Variants in CSMD1 observed in about 807,000 individuals in gnomAD.
CSMD1 encodes CUB and Sushi multiple domains 1, also known as CUB and sushi domain-containing protein 1.
In CSMD1, 213 loss-of-function variants were observed where a neutral mutation model predicts 417.5. The ratio of observed to expected loss-of-function variants is 0.51; its 90% CI spans 0.46 to 0.57. CSMD1 has a LOEUF of 0.57. CSMD1 is among the 20% of genes least tolerant of loss of function. The pLI is 0.00. For missense variants in CSMD1, 6,923 were observed against 4,529.7 expected (o/e 1.53, Z -15.17); for synonymous variants, 2,862 against 1,736.8 (o/e 1.65, Z -16.11).
intron 8 of CSMD1, among the ~76,000 whole-genome samples, chr8:3,606,761 G>T (rs1379422701): frequency 4.0e-5 from 6 of 151,134 alleles, no homozygotes; most frequent in African/African-American, 1.5e-4. Context: ...CCCAGGCTGG[G>T]GTACAGTGGC....
chr8:3,510,712 G>A (rs945293259), intron 10 of CSMD1, among the ~76,000 whole-genome samples: 1 of 151,724 alleles, frequency 6.6e-6, no homozygotes, highest in African/African-American at 2.4e-5. Context: ...TAACTGGTGT[G>A]AGATGGTATC....
intron 12 of CSMD1, among the ~76,000 whole-genome samples, chr8:3,432,171 A>C (rs1026075080): frequency 2.0e-5 from 3 of 152,182 alleles, no homozygotes; most frequent in African/African-American, 7.2e-5. Context: ...TGAACTTCTT[A>C]ATCTGGGCAT....
intron 3 of CSMD1, among the ~76,000 whole-genome samples, chr8:4,393,249 T>A (rs1803977375): frequency 1.3e-5 from 2 of 152,294 alleles, no homozygotes; most frequent in Non-Finnish European, 2.9e-5. Flanking sequence ...GTGCTGGGAT[T>A]ACAGGCGTGA....
intron 25 of CSMD1, among the ~76,000 whole-genome samples, chr8:3,306,529 C>T (rs1032735780): frequency 5.3e-5 from 8 of 152,202 alleles, no homozygotes; most frequent in African/African-American, 1.9e-4. Context: ...AGCAGCTGGG[C>T]TGATTCATTT....
chr8:4,309,163 G>A (rs539182314), intron 3 of CSMD1, among the ~76,000 whole-genome samples: 2 of 152,230 alleles, frequency 1.3e-5, no homozygotes, highest in African/African-American at 4.8e-5. Flanking sequence ...ACAACTTTCT[G>A]AAGATGTGTG....
chr8:3,316,115 A>C (rs1204461202), intron 23 of CSMD1, among the ~76,000 whole-genome samples: 2 of 152,202 alleles, frequency 1.3e-5, no homozygotes, highest in East Asian at 3.8e-4. Flanking sequence ...AGGCACCTAC[A>C]TGGATGAACT....
intron 3 of CSMD1, among the ~76,000 whole-genome samples, chr8:4,402,088 C>G (rs758411158): frequency 1.3e-5 from 2 of 152,058 alleles, no homozygotes; most frequent in Non-Finnish European, 2.9e-5. Flanking sequence ...TTGTTCTCAA[C>G]CTCCTCCCCT....
intron 1 of CSMD1, among the ~76,000 whole-genome samples, chr8:4,825,257 T>A (rs866720509): frequency 2.2e-4 from 33 of 152,242 alleles, no homozygotes; most frequent in South Asian, 1.2e-3. Context: ...GAAATATGCA[T>A]ACACCCATGA....
chr8:4,883,790 T>A (rs991330901), intron 1 of CSMD1, among the ~76,000 whole-genome samples: 2 of 152,044 alleles, frequency 1.3e-5, no homozygotes, highest in African/African-American at 2.4e-5. Flanking sequence ...TGAACATTCA[T>A]GTACACAAAA....
At chr8:4,435,487 TATG>T (rs1479398615) in intron 2 of CSMD1, among the ~76,000 whole-genome samples, 3 of 152,200 alleles carry the variant, frequency 2.0e-5, no homozygotes, top group African/African-American at 7.2e-5. Flanking sequence ...GAAGCCCTGT[TATG>T]ATATGATTTG....
In CSMD1 at chr8:3,695,911, T is replaced by A. The variant is rs562892241; in HGVS notation, c.1009+12503A>T. Among the ~76,000 whole-genome samples the A allele has an allele frequency of 4.6e-5, 7 of 152,354 alleles. No homozygotes were observed. The East Asian group carries it at 1.4e-3, about 29-fold the overall frequency. Reference sequence around the variant, plus strand: ...TGTACTCATTTGATATCTTTCTAATTATTTTCTATCTTTGTAGGAACAAGA... The same window carrying A: ...TGTACTCATTTGATATCTTTCTAATAATTTTCTATCTTTGTAGGAACAAGA... On this transcript the variant is annotated intron_variant, in intron 7 of 69. Transcript: ENST00000635120.
intron 17 of CSMD1, among the ~76,000 whole-genome samples, chr8:3,388,752 G>C (rs890355036): frequency 6.6e-6 from 1 of 152,204 alleles, no homozygotes; most frequent in Non-Finnish European, 1.5e-5. Context: ...CCTTGCTGCT[G>C]CGCAGTATGG....
intron 5 of CSMD1, among the ~76,000 whole-genome samples, chr8:3,989,378 G>C (rs938063873): frequency 2.0e-5 from 3 of 152,248 alleles, no homozygotes; most frequent in East Asian, 3.9e-4. Context: ...CTGATAGAAA[G>C]GTAATGAAAA....
intron 11 of CSMD1, among the ~76,000 whole-genome samples, chr8:3,488,929 A>T (rs960005522): frequency 6.6e-6 from 1 of 152,200 alleles, no homozygotes; most frequent in Admixed American, 6.5e-5. Flanking sequence ...TGATTTTTTT[A>T]AAACCGAAAA....
At chr8:3,637,674 C>G (rs2117293822) in intron 7 of CSMD1, among the ~76,000 whole-genome samples, 1 of 152,240 alleles carries the variant, frequency 6.6e-6, no homozygotes, top group Non-Finnish European at 1.5e-5. Flanking sequence ...TCATATGAAA[C>G]AGGATGACAA....
At chr8:3,996,599 T>C (rs898607931) in intron 5 of CSMD1, among the ~76,000 whole-genome samples, 2 of 152,172 alleles carry the variant, frequency 1.3e-5, no homozygotes, top group Admixed American at 1.3e-4. Flanking sequence ...GCGAGATAGG[T>C]AATAATTTAA....
chr8:4,489,282 G>A (rs780689440), intron 2 of CSMD1, among the ~76,000 whole-genome samples: 1 of 152,164 alleles, frequency 6.6e-6, no homozygotes, highest in Non-Finnish European at 1.5e-5. Flanking sequence ...AGGAGCTGCA[G>A]AAAGTTCTGG....
At chr8:3,605,981 G>A (rs1483029671) in intron 8 of CSMD1, among the ~76,000 whole-genome samples, 6 of 152,132 alleles carry the variant, frequency 3.9e-5, no homozygotes, top group African/African-American at 7.2e-5. Flanking sequence ...GCCTTGTGTG[G>A]GGTCCGGTCA....
chr8:4,690,957 G>C (rs1224379461), intron 1 of CSMD1, among the ~76,000 whole-genome samples: 1 of 152,160 alleles, frequency 6.6e-6, no homozygotes, highest in Non-Finnish European at 1.5e-5. Flanking sequence ...TTGCTCTCTT[G>C]AGCTCATGAT....
Sources: allele counts gnomAD v4.1 joint callset (sites outside exome capture counted in the v4.1 genomes callset), GRCh38; gene constraint gnomAD v4.1.1; transcripts MANE v1.5; gene names NCBI Gene and HGNC (gene_info 2026-07-23, HGNC 2026-07-21).